Variants in R3HCC1L observed in about 807,000 individuals in gnomAD.
R3HCC1L encodes the protein coiled-coil domain-containing protein R3HCC1L.
A neutral mutation model predicts 59.9 loss-of-function variants in R3HCC1L; 51 were observed. The observed-to-expected ratio is 0.85, with a 90% CI of 0.68 to 1.07. The LOEUF (loss-of-function observed/expected upper bound fraction) is 1.07, where lower values mean the gene tolerates loss of function less well. Among genes scored for constraint, R3HCC1L ranks in the 50% least tolerant of loss-of-function variants. R3HCC1L has a pLI of 0.00. For synonymous variants in R3HCC1L, 322 were observed against 315.2 expected (o/e 1.02, Z -0.23); for missense variants, 965 against 933.0 (o/e 1.03, Z -0.45).
chr10:98,158,508 C>T (rs2134133892), intron 2 of R3HCC1L, among the ~76,000 whole-genome samples: 1 of 152,242 alleles, frequency 6.6e-6, no homozygotes, highest in Middle Eastern at 3.4e-3. Flanking sequence ...TACTGCATTC[C>T]CTTTCTTATT....
intron 1 of R3HCC1L, among the ~76,000 whole-genome samples, chr10:98,139,404 T>C (rs2133844845): frequency 6.6e-6 from 1 of 152,312 alleles, no homozygotes; most frequent in East Asian, 1.9e-4. Flanking sequence ...TTTCTTTTAG[T>C]TGTTGAATTA....
intron 4 of R3HCC1L, chr10:98,186,678 T>C (rs1850252584): frequency 4.7e-6 from 1 of 212,504 alleles, no homozygotes; most frequent in Non-Finnish European, 8.1e-6. Flanking sequence ...AGAAAAAGGA[T>C]GTTAGTGATA....
chr10:98,229,866 T>C (rs566374273), intron 5 of R3HCC1L, among the ~76,000 whole-genome samples: 1 of 152,344 alleles, frequency 6.6e-6, no homozygotes, highest in African/African-American at 2.4e-5. Context: ...TGGTTCTGTT[T>C]ATATGCTGGA....
chr10:98,164,710 C>T (rs974381803), intron 4 of R3HCC1L, among the ~76,000 whole-genome samples: 12 of 152,148 alleles, frequency 7.9e-5, no homozygotes, highest in African/African-American at 2.7e-4. Context: ...CAATCTGTGA[C>T]AGCCTGTGAA....
chr10:98,164,080 G>A (rs1254958578), intron 4 of R3HCC1L, among the ~76,000 whole-genome samples: 4 of 152,090 alleles, frequency 2.6e-5, no homozygotes, highest in Non-Finnish European at 4.4e-5. Flanking sequence ...TGGGCCAGCC[G>A]ATGTGCAGGG....
chr10:98,147,794 T>C (rs2133957235), intron 1 of R3HCC1L, among the ~76,000 whole-genome samples: 1 of 152,234 alleles, frequency 6.6e-6, no homozygotes, highest in African/African-American at 2.4e-5. Flanking sequence ...CAGTACCATA[T>C]TGATGTGGTT....
intron 2 of R3HCC1L, among the ~76,000 whole-genome samples, chr10:98,156,655 C>T (rs923455499): frequency 6.6e-6 from 1 of 152,186 alleles, no homozygotes; most frequent in Middle Eastern, 3.2e-3. Context: ...AGCAGATTAA[C>T]ATAATCTATA....
chr10:98,193,317 A>G (rs1023949684), intron 4 of R3HCC1L, among the ~76,000 whole-genome samples: 3 of 152,020 alleles, frequency 2.0e-5, no homozygotes, highest in African/African-American at 7.2e-5. Flanking sequence ...ATTGGAAAGG[A>G]GGAAGTAAGA....
intron 5 of R3HCC1L, among the ~76,000 whole-genome samples, chr10:98,224,824 C>T (rs1437245987): frequency 6.6e-6 from 1 of 152,178 alleles, no homozygotes; most frequent in East Asian, 1.9e-4. Context: ...GTGAAGGTTT[C>T]ATATTGACTT....
chr10:98,225,585 G>T (rs1399890559), intron 5 of R3HCC1L, among the ~76,000 whole-genome samples: 2 of 152,210 alleles, frequency 1.3e-5, no homozygotes, highest in East Asian at 3.8e-4. Flanking sequence ...TCTGATGATT[G>T]TGGATTCTGA....
chr10:98,204,182 G>T (rs1852364702), intron 4 of R3HCC1L, among the ~76,000 whole-genome samples: 2 of 152,210 alleles, frequency 1.3e-5, no homozygotes, highest in Admixed American at 1.3e-4. Flanking sequence ...GCCCACGTGG[G>T]CGGATCACCT....
chr10:98,190,418 A>G (rs1590636165), intron 4 of R3HCC1L, among the ~76,000 whole-genome samples: 2 of 152,232 alleles, frequency 1.3e-5, no homozygotes, highest in South Asian at 4.2e-4. Context: ...TTGCTCTACA[A>G]CCAGAATTAC....
At chr10:98,230,076 C>T (rs1179102278) in intron 5 of R3HCC1L, among the ~76,000 whole-genome samples, 1 of 152,138 alleles carries the variant, frequency 6.6e-6, no homozygotes, top group Non-Finnish European at 1.5e-5. Flanking sequence ...GCTTTGGTAT[C>T]AGGATGATGC....
At chr10:98,184,951 T>C (rs1850070650) in intron 4 of R3HCC1L, among the ~76,000 whole-genome samples, 2 of 152,338 alleles carry the variant, frequency 1.3e-5, no homozygotes, top group Admixed American at 1.3e-4. Context: ...ATCCTGTCTT[T>C]CCTTAGATTT....
chr10:98,231,308 A>G lies in R3HCC1L; in HGVS notation c.1786-204A>G, dbSNP rs188278125. ...CTGCTGGAATTTCAACACTTTTTCA[A>G]CAGTTCCATATGTATAGTATAAACT... On this transcript the variant is annotated intron_variant, in intron 5 of 9. Transcript: ENST00000298999. Among the ~76,000 whole-genome samples, 184 of 152,250 alleles carry G rather than the reference A, an allele frequency of 1.2e-3. 2 individuals are homozygous for G. Among genetic ancestry groups the G allele is most frequent in the Admixed American group, 3.6e-3 (55 of 15,284 alleles).
At chr10:98,158,303 C>A (rs1435572204) in intron 2 of R3HCC1L, among the ~76,000 whole-genome samples, 1 of 152,086 alleles carries the variant, frequency 6.6e-6, no homozygotes, top group African/African-American at 2.4e-5. Flanking sequence ...AATTTTTTTG[C>A]ACAGAATCCT....
Position 98,241,002 on chromosome 10 carries a change from T to C in R3HCC1L, c.2270-3089T>C, listed in dbSNP as rs972633034. Among the ~76,000 whole-genome samples the C allele has an allele frequency of 5.3e-5, 8 of 152,198 alleles. 1 individual carries two copies. The highest frequency in any genetic ancestry group is 4.1e-4 in the South Asian group (2 of 4,834). ...GTTCCTTGTGTTAACACTTAATACA[T>C]TGATAATTATTCTACTCTCTAGAGT... On this transcript the variant is annotated intron_variant, in intron 9 of 9. Transcript: ENST00000298999.
At chr10:98,216,242 G>A (rs1284224697) in intron 5 of R3HCC1L, among the ~76,000 whole-genome samples, 1 of 152,100 alleles carries the variant, frequency 6.6e-6, no homozygotes, top group African/African-American at 2.4e-5. Flanking sequence ...ACCTGAGCAG[G>A]GTGGCTCACA....
chr10:98,224,182 G>C (rs930747423), intron 5 of R3HCC1L, among the ~76,000 whole-genome samples: 1 of 152,030 alleles, frequency 6.6e-6, no homozygotes, highest in African/African-American at 2.4e-5. Flanking sequence ...AGTGACAGGT[G>C]GGCAGGTCTG....
Sources: gnomAD v4.1 joint callset for allele counts (sites outside exome capture counted in the v4.1 genomes callset) on GRCh38, gnomAD v4.1.1 for gene constraint, MANE v1.5 for transcripts, NCBI Gene and HGNC (gene_info 2026-07-23, HGNC 2026-07-21) for gene names.